The following GFRA1 variants were observed in gnomAD, a reference collection of about 807,000 sequenced individuals.
GFRA1 encodes the protein GDNF family receptor alpha-1.
A neutral mutation model predicts 51.6 loss-of-function variants in GFRA1; 16 were observed. That is an observed-to-expected ratio of 0.31 (90% CI 0.21 to 0.47). GFRA1 has a LOEUF of 0.47. Among genes scored for constraint, GFRA1 ranks in the 20% least tolerant of loss-of-function variants. The pLI is 1.00. For missense variants in GFRA1, 530 were observed against 594.3 expected, an observed-to-expected ratio of 0.89 and a Z score of 1.13; for synonymous variants, 270 against 241.3, an observed-to-expected ratio of 1.12 and a Z score of -1.10.
At chr10:116,159,650 T>C (rs1959536979) in intron 5 of GFRA1, among the ~76,000 whole-genome samples, 2 of 152,146 alleles carry the variant, frequency 1.3e-5, no homozygotes, top group Admixed American at 1.3e-4. Flanking sequence ...ACTCTGACCT[T>C]GCACTACACC....
chr10:116,129,572 C>T (rs943833560), intron 5 of GFRA1, among the ~76,000 whole-genome samples: 1 of 152,080 alleles, frequency 6.6e-6, no homozygotes, highest in African/African-American at 2.4e-5. Flanking sequence ...AGTCATATTT[C>T]ATGGTCAAAT....
chr10:116,166,231 C>T (rs1024235633), intron 5 of GFRA1, among the ~76,000 whole-genome samples: 6 of 152,182 alleles, frequency 3.9e-5, no homozygotes, highest in African/African-American at 1.4e-4. Flanking sequence ...CATGTCTTTG[C>T]TATTGTGGGT....
intron 5 of GFRA1, among the ~76,000 whole-genome samples, chr10:116,162,159 G>T (rs181425494): frequency 6.7e-6 from 1 of 149,782 alleles, no homozygotes; most frequent in Admixed American, 6.6e-5. Flanking sequence ...GAATCTAAAC[G>T]GCACCAAGAC....
At chr10:116,084,244 C>T (rs1955988167) in intron 9 of GFRA1, among the ~76,000 whole-genome samples, 1 of 152,206 alleles carries the variant, frequency 6.6e-6, no homozygotes, top group African/African-American at 2.4e-5. Flanking sequence ...AGGAAGCATG[C>T]TTTCGAAGAT....
At chr10:116,174,007 G>A (rs1328157266) in intron 5 of GFRA1, among the ~76,000 whole-genome samples, 1 of 152,134 alleles carries the variant, frequency 6.6e-6, no homozygotes, top group African/African-American at 2.4e-5. Context: ...TTGAACCTGG[G>A]AGGCAGAGGT....
chr10:116,125,290 G>A lies in GFRA1; in HGVS notation c.701C>T (p.Ser234Phe). The A allele has an allele frequency of 6.2e-7, 1 of 1,614,210 alleles. No individual in the cohort carries two copies. The highest frequency in any genetic ancestry group is 8.5e-7 in the Non-Finnish European group (1 of 1,180,044). ...RRRQTIVPVC[S>F]YEEREKPNCL... ...GTTGGGCTTCTCCCTCTCTTCATAG[G>A]AGCACACAGGCACGATGGTCTGTCG... Residue 234 changes from serine to phenylalanine, a missense_variant, in exon 6 of 11, where the codon TCC (serine) becomes TTC (phenylalanine). Physicochemically the swap from Ser to Phe is radical, Grantham distance 155. Transcript: ENST00000355422.
rs771673374 is a variant in GFRA1, at chr10:116,125,569, G to A, written c.434-12C>T. The A allele has an allele frequency of 1.9e-6, 3 of 1,601,916 alleles. No homozygotes were observed. Among genetic ancestry groups the A allele is most frequent in the South Asian group, 2.2e-5 (2 of 89,958 alleles). On this transcript the variant is annotated splice_polypyrimidine_tract_variant and intron_variant, in intron 5 of 10. Transcript: ENST00000355422. ...GGGAATGTGCTCCACTGCAAATGCAGAGAAAGACAGGCATGGTCACAGTGC... is the reference window on the plus strand; with the variant it reads ...GGGAATGTGCTCCACTGCAAATGCAAAGAAAGACAGGCATGGTCACAGTGC...
At chr10:116,141,005 G>A (rs1958539746) in intron 5 of GFRA1, among the ~76,000 whole-genome samples, 1 of 152,204 alleles carries the variant, frequency 6.6e-6, no homozygotes, top group African/African-American at 2.4e-5. Flanking sequence ...CAAACAGAAT[G>A]CTACTGCTGA....
intron 4 of GFRA1, among the ~76,000 whole-genome samples, chr10:116,227,369 A>T (rs1393991270): frequency 6.6e-6 from 1 of 152,228 alleles, no homozygotes; most frequent in Admixed American, 6.5e-5. Context: ...GAGCTAAGAA[A>T]GAAGTGGAGA....
At chr10:116,091,481 C>T (rs1956332152) in intron 8 of GFRA1, among the ~76,000 whole-genome samples, 1 of 152,138 alleles carries the variant, frequency 6.6e-6, no homozygotes, top group African/African-American at 2.4e-5. Flanking sequence ...CCAGGAAGGC[C>T]TCCTGGTGAA....
At chr10:116,145,249 T>C (rs576234441) in intron 5 of GFRA1, among the ~76,000 whole-genome samples, 1 of 140,122 alleles carries the variant, frequency 7.1e-6, no homozygotes, top group South Asian at 2.3e-4. Context: ...TAGGAAAAGA[T>C]AGATGGACTC....
rs576411208 is a variant in GFRA1 at position 116,173,116 on chromosome 10, A to T, written c.433+38515T>A. On this transcript the variant is annotated intron_variant, in intron 5 of 10. Coordinates refer to ENST00000355422, the MANE Select transcript of GFRA1 (RefSeq NM_005264.8). ...ATTGAAAGCAAGTACTTCTTTTTTT[A>T]AATTGGAAATTGCTGTATGTTAAGT... Among the ~76,000 whole-genome samples the T allele has an allele frequency of 3.3e-5, 5 of 152,302 alleles. No individual in the cohort carries two copies. In the South Asian group the frequency reaches 1.0e-3, roughly 32 times the overall value.
At chr10:116,158,630 G>A (rs773925775) in intron 5 of GFRA1, among the ~76,000 whole-genome samples, 15 of 152,218 alleles carry the variant, frequency 9.9e-5, no homozygotes, top group South Asian at 2.1e-4. Context: ...GTGCTGGGAG[G>A]ACAGGATCAG....
chr10:116,169,387 C>CACCCTCA (rs1206335023), intron 5 of GFRA1, among the ~76,000 whole-genome samples: 3 of 152,242 alleles, frequency 2.0e-5, no homozygotes, highest in Admixed American at 2.0e-4. Flanking sequence ...GCGAGGGCTC[C>CACCCTCA]ACCCTCAAGC....
intron 4 of GFRA1, among the ~76,000 whole-genome samples, chr10:116,262,481 G>T (rs1170212173): frequency 9.0e-6 from 1 of 111,624 alleles, no homozygotes; most frequent in Non-Finnish European, 1.8e-5. Context: ...AGTAGATGTA[G>T]ATTATGACAC....
rs779249825 is a variant in GFRA1, at chr10:116,096,687, G to A, written c.848C>T (p.Ala283Val). 7 of 1,609,282 alleles carry A rather than the reference G, an allele frequency of 4.3e-6. No homozygotes were observed. The highest frequency in any genetic ancestry group is 6.0e-6 in the Non-Finnish European group (7 of 1,175,958). Residue 283 changes from alanine (A) to valine (V), a missense_variant, in exon 7 of 11, where the codon GCT (alanine) becomes GTT (valine). Ala to Val is a moderately conservative substitution (Grantham distance 64). Coordinates refer to ENST00000355422, the MANE Select transcript of GFRA1 (RefSeq NM_005264.8). ...CCCCGAGTAGGCGAGGAGGCAGTCA[G>A]CGTAGTTTTCCTTTAGACAGCTGCT... ...SVSSCLKENY[A>V]DCLLAYSGLI... is the part of the protein sequence containing the mutation.
intron 5 of GFRA1, among the ~76,000 whole-genome samples, chr10:116,170,583 C>T (rs534170418): frequency 6.6e-6 from 1 of 152,274 alleles, no homozygotes; most frequent in South Asian, 2.1e-4. Flanking sequence ...AATACAGGCT[C>T]CCTACCCCAT....
chr10:116,124,461 C>G, intron 6 of GFRA1, among the ~76,000 whole-genome samples: 1 of 151,852 alleles, frequency 6.6e-6, no homozygotes, highest in Non-Finnish European at 1.5e-5. Flanking sequence ...AAACTCCTGA[C>G]CTCAGGTGAT....
At chr10:116,150,828 G>T (rs1959031883) in intron 5 of GFRA1, among the ~76,000 whole-genome samples, 1 of 152,176 alleles carries the variant, frequency 6.6e-6, no homozygotes, top group Admixed American at 6.5e-5. Context: ...TTCATTTGAT[G>T]AATCTGATTT....
Sources: allele counts gnomAD v4.1 joint callset (sites outside exome capture counted in the v4.1 genomes callset), GRCh38; gene constraint gnomAD v4.1.1; transcripts MANE v1.5; gene names NCBI Gene and HGNC (gene_info 2026-07-23, HGNC 2026-07-21).